The following TTBK2 variants were observed in gnomAD, a reference collection of about 807,000 sequenced individuals.
TTBK2 encodes tau tubulin kinase 2, also known as tau-tubulin kinase 2.
Under a neutral mutation model 110.8 loss-of-function variants are expected in TTBK2, and 28 were observed. That is an observed-to-expected ratio of 0.25 (90% CI 0.19 to 0.35). TTBK2 has a LOEUF of 0.35. Among genes scored for constraint, TTBK2 ranks in the 10% least tolerant of loss-of-function variants. The pLI, the probability that TTBK2 is intolerant of heterozygous loss-of-function variation, is 1.00. For missense variants in TTBK2, 1,369 were observed against 1,500.3 expected, an observed-to-expected ratio of 0.91 and a Z score of 1.45; for synonymous variants, 532 against 527.3, an observed-to-expected ratio of 1.01 and a Z score of -0.12.
chr15:42,828,481 C>T (rs1007110431), intron 5 of TTBK2, among the ~76,000 whole-genome samples: 6 of 151,134 alleles, frequency 4.0e-5, no homozygotes, highest in African/African-American at 1.5e-4. Context: ...TTTGGGAGGC[C>T]GAGGTGGGTG....
At chr15:42,875,775 G>A (rs574586808) in intron 2 of TTBK2, among the ~76,000 whole-genome samples, 57 of 152,040 alleles carry the variant, frequency 3.7e-4, no homozygotes, top group African/African-American at 1.1e-3. Flanking sequence ...GTGTGATGGC[G>A]CGTGCCTGTA....
At chr15:42,828,286 C>G (rs1567047194) in intron 5 of TTBK2, among the ~76,000 whole-genome samples, 1 of 151,672 alleles carries the variant, frequency 6.6e-6, no homozygotes, top group African/African-American at 2.4e-5. Flanking sequence ...ACAACATTAA[C>G]TAGACTTGGA....
intron 1 of TTBK2, among the ~76,000 whole-genome samples, chr15:42,907,233 A>T (rs1191832203): frequency 1.3e-5 from 2 of 152,204 alleles, no homozygotes; most frequent in Non-Finnish European, 2.9e-5. Context: ...GCTGGTAGGA[A>T]TGGAAATTAG....
intron 11 of TTBK2, among the ~76,000 whole-genome samples, chr15:42,782,539 C>T (rs1233742628): frequency 2.0e-5 from 3 of 152,148 alleles, no homozygotes; most frequent in Admixed American, 1.3e-4. Context: ...CCAAAGAGAC[C>T]GTAAGCTCCT....
At chr15:42,832,841 T>C (rs539541283) in intron 4 of TTBK2, among the ~76,000 whole-genome samples, 22 of 152,142 alleles carry the variant, frequency 1.4e-4, no homozygotes, top group Non-Finnish European at 3.2e-4. Flanking sequence ...CAGGGTTCAG[T>C]ATGATCTGTG....
Position 42,752,689 on chromosome 15 carries a change from C to T in TTBK2, c.2557G>A (p.Glu853Lys). 6.2e-7 allele frequency: 1 copy of T among 1,614,120 alleles called. No individual in the cohort carries two copies. The highest frequency in any genetic ancestry group is 8.5e-7 in the Non-Finnish European group (1 of 1,180,046). Residue 853 changes from glutamate (E) to lysine (K), a missense_variant, in exon 14 of 15, where the codon GAA becomes AAA. Physicochemically the swap from Glu to Lys is moderately conservative, Grantham distance 56 (BLOSUM62 1). Coordinates refer to ENST00000267890, the MANE Select transcript of TTBK2 (RefSeq NM_173500.4). Reference protein sequence around the residue: ...IMKLLTVGTSEISSRDIDPHV... With the variant: ...IMKLLTVGTSKISSRDIDPHV... ...GGGTCAATGTCTCTGGAAGAAATTT[C>T]TGAAGTTCCAACTGTCAGAAGCTTC...
At chr15:42,833,685 C>T (rs1340777138) in intron 4 of TTBK2, among the ~76,000 whole-genome samples, 1 of 151,962 alleles carries the variant, frequency 6.6e-6, no homozygotes, top group Non-Finnish European at 1.5e-5. Flanking sequence ...CCAGCCTGGG[C>T]AACATACTGA....
intron 1 of TTBK2, among the ~76,000 whole-genome samples, chr15:42,898,510 CAAAAAGAAAAAA>C (rs566768151): frequency 4.8e-4 from 60 of 124,118 alleles, no homozygotes; most frequent in Non-Finnish European, 8.2e-4. Context: ...GACTCTGTCT[CAAAAAGAAAAAA>C]AAAAAGAAAA....
intron 3 of TTBK2, among the ~76,000 whole-genome samples, chr15:42,853,045 A>G (rs923479855): frequency 3.9e-5 from 6 of 152,130 alleles, no homozygotes. Context: ...CAGAAATTAC[A>G]TATTTCTTCT....
chr15:42,887,305 CT>C (rs1895283405), intron 1 of TTBK2, among the ~76,000 whole-genome samples: 1 of 152,156 alleles, frequency 6.6e-6, no homozygotes, highest in Non-Finnish European at 1.5e-5. Context: ...TCATTGCTGC[CT>C]TTTTCCCCAG....
chr15:42,763,437 C>T (rs1474272220), intron 13 of TTBK2, among the ~76,000 whole-genome samples: 1 of 150,964 alleles, frequency 6.6e-6, no homozygotes, highest in Non-Finnish European at 1.5e-5. Flanking sequence ...TGGTCTCCAA[C>T]TCCTGACCTC....
chr15:42,871,603 G>A (rs973177291), intron 3 of TTBK2: 4 of 985,154 alleles, frequency 4.1e-6, no homozygotes, highest in Middle Eastern at 5.2e-4. Flanking sequence ...GTACCTGTTT[G>A]TAGCCTCTAC....
chr15:42,884,037 C>T lies in TTBK2; in HGVS notation c.-67-5353G>A, dbSNP rs188260840. Among the ~76,000 whole-genome samples, 346 of 152,148 alleles carry T rather than the reference C, an allele frequency of 2.3e-3. 1 individual carries two copies. Among genetic ancestry groups the T allele is most frequent in the African/African-American group, 8.1e-3 (337 of 41,526 alleles). ...AAATCACTGGAGATAAAAAGAGATACAGAACCATGGAAGAGCCAATTTACA... is the reference window on the plus strand; with the variant it reads ...AAATCACTGGAGATAAAAAGAGATATAGAACCATGGAAGAGCCAATTTACA... On this transcript the variant is annotated intron_variant, in intron 1 of 14. Coordinates refer to ENST00000267890, the MANE Select transcript of TTBK2 (RefSeq NM_173500.4).
In TTBK2 at chr15:42,812,700, G is replaced by A. The variant is rs539275907; in HGVS notation, c.604-920C>T. 4.6e-5 allele frequency among the ~76,000 whole-genome samples: 7 copies of A among 152,160 alleles called. 1 individual carries two copies. In the East Asian group the frequency reaches 1.3e-3, roughly 29 times the overall value. On this transcript the variant is annotated intron_variant, in intron 7 of 14. Coordinates refer to ENST00000267890, the MANE Select transcript of TTBK2 (RefSeq NM_173500.4). The stretch of plus-strand genomic sequence containing the variant: ...TTTCAGAAATAGAATTATAGGATAC[G>A]AAGAGTGTTTAAAATGTTAAAATGA...
intron 6 of TTBK2, among the ~76,000 whole-genome samples, chr15:42,820,099 CA>C (rs1216769794): frequency 3.3e-5 from 5 of 152,140 alleles, no homozygotes; most frequent in Non-Finnish European, 7.4e-5. Context: ...AAACAGAAAT[CA>C]GCTGTTTAGA....
At chr15:42,763,175 T>TATATATATATATAC in intron 13 of TTBK2, among the ~76,000 whole-genome samples, 1 of 19,088 alleles carries the variant, frequency 5.2e-5, no homozygotes, top group South Asian at 1.6e-3. Context: ...TATATATATA[T>TATATATATATATAC]ATATATATAT....
rs35853782 is a variant in TTBK2, at chr15:42,905,802, TA to T, written c.-68+14635del. ...TCTGTACCTCAATTTCCTCATCTAT[TA>T]AAAAAAAGGGTAATGACAATCACTA... On this transcript the variant is annotated intron_variant, in intron 1 of 14. Coordinates refer to ENST00000267890, the MANE Select transcript of TTBK2 (RefSeq NM_173500.4). 1.5e-4 allele frequency among the ~76,000 whole-genome samples: 22 copies of T among 151,654 alleles called. No individual in the cohort carries two copies. The East Asian group carries it at 3.1e-3, about 21-fold the overall frequency.
intron 9 of TTBK2, among the ~76,000 whole-genome samples, chr15:42,808,840 G>C (rs1891588528): frequency 1.3e-5 from 2 of 152,130 alleles, no homozygotes; most frequent in South Asian, 2.1e-4. Flanking sequence ...GACAGACCGA[G>C]ACCCCGTCTC....
chr15:42,843,839 C>T (rs1378547557), intron 3 of TTBK2, among the ~76,000 whole-genome samples: 1 of 150,148 alleles, frequency 6.7e-6, no homozygotes, highest in Middle Eastern at 3.2e-3. Flanking sequence ...AAACCTAAGA[C>T]TGGTGTTTGA....
Sources: gnomAD v4.1 joint callset for allele counts (sites outside exome capture counted in the v4.1 genomes callset) on GRCh38, gnomAD v4.1.1 for gene constraint, MANE v1.5 for transcripts, NCBI Gene and HGNC (gene_info 2026-07-23, HGNC 2026-07-21) for gene names.